PLIN4: variants seen among roughly 807,000 people sequenced by gnomAD.
PLIN4 encodes perilipin-4.
In PLIN4, 57 loss-of-function variants were observed where a neutral mutation model predicts 52.4. The observed-to-expected ratio is 1.09, with a 90% CI of 0.88 to 1.36. PLIN4 has a LOEUF of 1.36. PLIN4 is among the 40% of genes most tolerant of loss of function. PLIN4 has a pLI of 0.00. For synonymous variants in PLIN4, 826 were observed against 785.4 expected (o/e 1.05, Z -0.86); for missense variants, 1,757 against 1,770.3 (o/e 0.99, Z 0.13).
At chr19:4,516,194 C>T (rs111471365) in intron 4 of PLIN4, among the ~76,000 whole-genome samples, 2,173 of 152,262 alleles carry the variant, frequency 0.014, 69 homozygotes, top group African/African-American at 0.05. Flanking sequence ...GCAGGAGAAT[C>T]GCTTGAACCT....
Position 4,504,749 on chromosome 19 carries a change from G to A in PLIN4, c.3826C>T (p.Leu1276Phe), listed in dbSNP as rs1390353096. ...TAGGCCGTGTGCAGCTGCCGGAGAAGGCCGCAGACCCTGGACAGAACCCCG... is the reference window on the plus strand; with the variant it reads ...TAGGCCGTGTGCAGCTGCCGGAGAAAGCCGCAGACCCTGGACAGAACCCCG... ...DAGVLSRVCG[L>F]LRQLHTAYSG... Residue 1276 changes from leucine (L) to phenylalanine (F), a missense_variant, in exon 8 of 8, where the codon CTT (leucine) becomes TTT (phenylalanine). This residue lies in a region of PLIN4 where 712 missense variants were observed against 637.1 expected (regional missense o/e 1.12). Transcript: ENST00000301286. 1.2e-6 allele frequency: 2 copies of A among 1,600,302 alleles called. No homozygotes were observed. Among genetic ancestry groups the A allele is most frequent in the East Asian group, 2.2e-5 (1 of 44,590 alleles).
At chr19:4,504,812 G>A in intron 7 of PLIN4, 27 bp from the exon 8 acceptor site, 3 of 1,604,560 alleles carry the variant, frequency 1.9e-6, no homozygotes, top group African/African-American at 1.3e-5. Context: ...CAAGGTGAGT[G>A]GAGACCCATG....
At chr19:4,514,426 C>T (rs1049478771) in intron 4 of PLIN4, among the ~76,000 whole-genome samples, 2 of 151,084 alleles carry the variant, frequency 1.3e-5, no homozygotes, top group African/African-American at 2.4e-5. Context: ...CCAGCCTGGG[C>T]AACAACATGA....
rs1242612283 is a variant in PLIN4, at chr19:4,516,673, C to T, written c.202G>A (p.Ala68Thr). 1.9e-6 allele frequency: 3 copies of T among 1,595,424 alleles called. No homozygotes were observed. The highest frequency in any genetic ancestry group is 2.6e-6 in the Non-Finnish European group (3 of 1,171,632). ...CATGGGGCCGTCTGCTCTGGGTGGG[C>T]AGCCACTGTGGGGACAGGGGCCGGT... Reference protein sequence around the residue: ...EAAQPQAQVAAHPEQTAPWTE... With the variant: ...EAAQPQAQVATHPEQTAPWTE... Residue 68 changes from alanine (A) to threonine (T), a missense_variant, in exon 4 of 8, where the codon GCC (alanine) becomes ACC (threonine). Physicochemically the swap from Ala to Thr is moderately conservative, Grantham distance 58. This residue lies in a region of PLIN4 where 332 missense variants were observed against 310.8 expected (regional missense o/e 1.07). Coordinates refer to ENST00000301286, the MANE Select transcript of PLIN4 (RefSeq NM_001367868.2).
intron 4 of PLIN4, among the ~76,000 whole-genome samples, chr19:4,515,130 C>T (rs1266339277): frequency 1.3e-5 from 2 of 151,154 alleles, no homozygotes; most frequent in Non-Finnish European, 1.5e-5. Context: ...GAGCCGAGAT[C>T]GTGCCATTGC....
Position 4,504,442 on chromosome 19 carries a change from C to A in PLIN4, c.*17G>T. Reference sequence around the variant, plus strand: ...CAGAGCAGGGCGACCCCGCGCCGGGCCTGCAGGCTCCTACAGCTACTGCCC... The same window carrying A: ...CAGAGCAGGGCGACCCCGCGCCGGGACTGCAGGCTCCTACAGCTACTGCCC... On this transcript the variant is annotated 3_prime_UTR_variant, in exon 8 of 8. Coordinates refer to ENST00000301286, the MANE Select transcript of PLIN4 (RefSeq NM_001367868.2). 5.2e-6 allele frequency: 8 copies of A among 1,535,552 alleles called. No homozygotes were observed. The highest frequency in any genetic ancestry group is 7.0e-6 in the Non-Finnish European group (8 of 1,141,492).
chr19:4,506,492 A>T (rs1976097803), intron 6 of PLIN4, among the ~76,000 whole-genome samples: 1 of 152,010 alleles, frequency 6.6e-6, no homozygotes, highest in Non-Finnish European at 1.5e-5. Flanking sequence ...CGCCCTATAT[A>T]TTCATCTGTG....
At position 4,513,545 on chromosome 19, in the gene PLIN4, C is replaced by A. The variant is rs1373918386; in HGVS notation, c.415G>T (p.Val139Leu). Residue 139 changes from valine (V) to leucine (L), a missense_variant, in exon 5 of 8, where the codon GTG (valine) becomes TTG (leucine). Physicochemically the swap from Val to Leu is conservative, Grantham distance 32. Around this residue, in one of 7 missense-constraint regions of PLIN4, gnomAD observed 332 missense variants for 310.8 expected, o/e 1.07. Transcript: ENST00000301286. ...RSALTGTKEV[V>L]SSGVTGAMDM... ...ATGGCCCCTGTGACCCCGCTGGACA[C>A]CACCTCCTTGGTGCCCGTAAGTGCA... 3.7e-6 allele frequency: 6 copies of A among 1,609,148 alleles called. No homozygotes were observed. In the African/African-American group the frequency reaches 4.0e-5, roughly 11 times the overall value.
At chr19:4,516,217 T>C (rs1376777844) in intron 4 of PLIN4, among the ~76,000 whole-genome samples, 1 of 152,094 alleles carries the variant, frequency 6.6e-6, no homozygotes, top group East Asian at 1.9e-4. Flanking sequence ...GAGGCAGAGG[T>C]TGCAGTGAAC....
chr19:4,504,107 G>T lies in PLIN4; in HGVS notation c.*352C>A. 1 of 229,542 alleles carries T rather than the reference G, an allele frequency of 4.4e-6. No homozygotes were observed. Among genetic ancestry groups the T allele is most frequent in the East Asian group, 8.9e-5 (1 of 11,198 alleles). The allele number at this position is 229,542 out of a possible 1,614,324, so 14.2% of individuals were successfully genotyped here. On this transcript the variant is annotated 3_prime_UTR_variant, in exon 8 of 8. Coordinates refer to ENST00000301286, the MANE Select transcript of PLIN4 (RefSeq NM_001367868.2). ...AAAAGGGTTGCTAGCGGGGCAAACA[G>T]ATGCCCTTCCAGGCTGGGCACGCTG...
Position 4,513,720 on chromosome 19 carries a change from G to A in PLIN4, c.259-19C>T, listed in dbSNP as rs777166307. The A allele has an allele frequency of 6.4e-7, 1 of 1,554,416 alleles. No homozygotes were observed. Among genetic ancestry groups the A allele is most frequent in the Non-Finnish European group, 8.7e-7 (1 of 1,149,538 alleles). Reference sequence around the variant, plus strand: ...ACACCATCTGCTGAGAAAGGACACAGGTGGATCAAGAGAAGGACTGAGAGG... The same window carrying A: ...ACACCATCTGCTGAGAAAGGACACAAGTGGATCAAGAGAAGGACTGAGAGG... On this transcript the variant is annotated intron_variant, in intron 4 of 7. Transcript: ENST00000301286.
chr19:4,512,140 C>T lies in PLIN4; in HGVS notation c.1820G>A (p.Gly607Glu). 1 of 1,609,104 alleles carries T rather than the reference C, an allele frequency of 6.2e-7. No individual in the cohort carries two copies. The highest frequency in any genetic ancestry group is 8.5e-7 in the Non-Finnish European group (1 of 1,178,952). Residue 607 changes from glycine to glutamate, a missense_variant, in exon 5 of 8, where the codon GGG becomes GAG. Gly to Glu is a moderately conservative substitution (Grantham distance 98). This residue lies in a region of PLIN4 where 439 missense variants were observed against 406.4 expected (regional missense o/e 1.08). Transcript: ENST00000301286. ...GGTCCCTTTGGCGACATTCACTGCC[C>T]CCACGAGCCCAGTAGTCACTGTGTC... ...TKDTVTTGLV[G>E]AVNVAKGTVQ...
chr19:4,518,181 T>TC, intron 2 of PLIN4, 41 bp downstream of exon 2: 1 of 1,226,622 alleles, frequency 8.2e-7, no homozygotes, highest in Non-Finnish European at 1.0e-6. Flanking sequence ...CTGGGGCATC[T>TC]CCAGGCCCCA....
At position 4,517,707 on chromosome 19, in the gene PLIN4, G is replaced by A. The variant is rs1367074232; in HGVS notation, c.52-9C>T. The A allele has an allele frequency of 6.3e-7, 1 of 1,575,980 alleles. No individual in the cohort carries two copies. The highest frequency in any genetic ancestry group is 1.3e-5 in the African/African-American group (1 of 74,172). On this transcript the variant is annotated splice_polypyrimidine_tract_variant and intron_variant, in intron 2 of 7. Coordinates refer to ENST00000301286, the MANE Select transcript of PLIN4 (RefSeq NM_001367868.2). ...AAGAAGCTGCCCAGGGTCTGCATGG[G>A]GGCGGGGGGTGTGCAGGATGAGCAG...
intron 2 of PLIN4, 58 bp downstream of exon 2, chr19:4,518,164 C>T: frequency 8.2e-7 from 1 of 1,218,576 alleles, no homozygotes; most frequent in Non-Finnish European, 1.0e-6. Flanking sequence ...GGTCACCTTC[C>T]CCGGCTCTGG....
At position 4,511,936 on chromosome 19, in the gene PLIN4, A is replaced by C; in HGVS notation, c.2024T>G (p.Val675Gly). ...CTGGGCAGCCCCTTTGGCCACATTC[A>C]CAGCACTGGTCACCCCACTGCCAAA... ...NTFGSGVTSA[V>G]NVAKGAAQTG... The change falls in exon 5 of 8, where the codon GTG becomes GGG. Residue 675 changes from valine (V) to glycine (G), a missense_variant. Physicochemically the swap from Val to Gly is moderately radical, Grantham distance 109. Coordinates refer to ENST00000301286, the MANE Select transcript of PLIN4 (RefSeq NM_001367868.2). 4.3e-6 allele frequency: 6 copies of C among 1,383,046 alleles called. No homozygotes were observed. The highest frequency in any genetic ancestry group is 5.7e-6 in the Non-Finnish European group (6 of 1,057,632). 85.7% of individuals were successfully genotyped at this position (1,383,046 alleles called of 1,614,324 possible).
Position 4,504,605 on chromosome 19 carries a change from C to G in PLIN4, c.3970G>C (p.Glu1324Gln), listed in dbSNP as rs368973007. ...TGCACCAGCCGCTCTGCGGGCAGCT[C>G]CTCTACAGAGCCAGCTGAGGCCACG... ...GIVASAGSVEELPAERLVQSR... is the reference protein window; with the variant it reads ...GIVASAGSVEQLPAERLVQSR... Residue 1324 changes from glutamate to glutamine, a missense_variant, in exon 8 of 8, where the codon GAG (glutamate) becomes CAG (glutamine). By Grantham distance (29) the Glu-to-Gln change is conservative. This residue lies in a region of PLIN4 where 712 missense variants were observed against 637.1 expected (regional missense o/e 1.12). Transcript: ENST00000301286. 1 of 1,604,442 alleles carries G rather than the reference C, an allele frequency of 6.2e-7. No individual in the cohort carries two copies. Among genetic ancestry groups the G allele is most frequent in the East Asian group, 2.2e-5 (1 of 44,646 alleles).
rs1976042453 is a variant in PLIN4 at position 4,504,847 on chromosome 19, T to G, written c.3789+14A>C. Reference sequence around the variant, plus strand: ...GGGCGGGGTGGGGGGACCCTAGCCCTGTGCCAGACCCACCTCCTGGACAGC... The same window carrying G: ...GGGCGGGGTGGGGGGACCCTAGCCCGGTGCCAGACCCACCTCCTGGACAGC... On this transcript the variant is annotated intron_variant, in intron 7 of 7. Coordinates refer to ENST00000301286, the MANE Select transcript of PLIN4 (RefSeq NM_001367868.2). 2 of 1,604,374 alleles carry G rather than the reference T, an allele frequency of 1.2e-6. No individual in the cohort carries two copies. The highest frequency in any genetic ancestry group is 2.7e-5 in the African/African-American group (2 of 74,914).
At chr19:4,514,634 G>A (rs184666060) in intron 4 of PLIN4, among the ~76,000 whole-genome samples, 103 of 152,110 alleles carry the variant, frequency 6.8e-4, no homozygotes, top group African/African-American at 2.4e-3. Flanking sequence ...GGCTGAGGCA[G>A]GAGAATGGCA....
Sources: allele counts gnomAD v4.1 joint callset (sites outside exome capture counted in the v4.1 genomes callset), GRCh38; gene constraint gnomAD v4.1.1; regional missense constraint gnomAD v4.1.1; transcripts MANE v1.5; gene names NCBI Gene and HGNC (gene_info 2026-07-23, HGNC 2026-07-21).